PTPRK: variants seen among roughly 807,000 people sequenced by gnomAD.
PTPRK encodes the protein protein tyrosine phosphatase receptor type K.
PTPRK carries 75 observed loss-of-function variants against 178.0 expected under a neutral mutation model. The observed-to-expected ratio is 0.42, with a 90% confidence interval of 0.35 to 0.51. The LOEUF is 0.51. Ranked by LOEUF, PTPRK falls within the 20% of genes least tolerant of loss-of-function variation. PTPRK has a pLI of 0.02. For synonymous variants in PTPRK, 637 were observed against 620.6 expected (o/e 1.03, Z -0.39); for missense variants, 1,441 against 1,797.8 (o/e 0.80, Z 3.59).
At chr6:128,037,032 C>G (rs1488068520) in intron 13 of PTPRK, among the ~76,000 whole-genome samples, 4 of 152,054 alleles carry the variant, frequency 2.6e-5, no homozygotes, top group Non-Finnish European at 5.9e-5. Context: ...GCTCCCCGCC[C>G]TCCCTAACTC....
intron 2 of PTPRK, among the ~76,000 whole-genome samples, chr6:128,388,904 T>C (rs1314675215): frequency 6.6e-6 from 1 of 152,122 alleles, no homozygotes; most frequent in Non-Finnish European, 1.5e-5. Flanking sequence ...ATAGTCAAAA[T>C]TGCCACCCTA....
chr6:127,990,966 C>A, intron 20 of PTPRK, 81 bp from the exon 21 acceptor site: 2 of 804,934 alleles, frequency 2.5e-6, no homozygotes, highest in Non-Finnish European at 2.0e-6. Context: ...AGCAATAACT[C>A]CTTGTCACAA....
chr6:128,158,286 G>C (rs1007317608), intron 7 of PTPRK, among the ~76,000 whole-genome samples: 1 of 151,842 alleles, frequency 6.6e-6, no homozygotes, highest in Non-Finnish European at 1.5e-5. Context: ...GGGAGTGAAG[G>C]CATTAGGAGA....
intron 7 of PTPRK, among the ~76,000 whole-genome samples, chr6:128,132,087 TA>T (rs1363243126): frequency 1.3e-5 from 2 of 152,194 alleles, no homozygotes; most frequent in African/African-American, 4.8e-5. Flanking sequence ...AAATGCTCAG[TA>T]AAATGAAATA....
chr6:128,382,886 G>T (rs1237420987), intron 2 of PTPRK, among the ~76,000 whole-genome samples: 1 of 152,074 alleles, frequency 6.6e-6, no homozygotes, highest in East Asian at 1.9e-4. Context: ...ACTGCTACTG[G>T]TTCAGTAAAA....
At chr6:128,023,968 C>T (rs942892520) in intron 13 of PTPRK, among the ~76,000 whole-genome samples, 2 of 152,068 alleles carry the variant, frequency 1.3e-5, no homozygotes, top group East Asian at 1.9e-4. Context: ...CCACACCAGG[C>T]CAATCTCTTA....
chr6:128,070,968 C>T (rs577322616), intron 11 of PTPRK, among the ~76,000 whole-genome samples: 2 of 151,882 alleles, frequency 1.3e-5, no homozygotes, highest in South Asian at 4.2e-4. Context: ...CATGAAAGTA[C>T]ATTTTTCACC....
chr6:128,504,103 A>G (rs145686998), intron 1 of PTPRK, among the ~76,000 whole-genome samples: 1 of 152,274 alleles, frequency 6.6e-6, no homozygotes, highest in African/African-American at 2.4e-5. Context: ...GTCATTGCTC[A>G]CATAAAAGAC....
In PTPRK at chr6:127,969,036, A is replaced by T. The variant is rs1773641757; in HGVS notation, c.*1191T>A. On this transcript the variant is annotated 3_prime_UTR_variant, in exon 30 of 30. Coordinates refer to ENST00000368226, the MANE Select transcript of PTPRK (RefSeq NM_002844.4). ...ATTTGTTCACACTTTTTATAGTCAGAACGCAAAGCTTGTGCATGTAAACAT... is the reference window on the plus strand; with the variant it reads ...ATTTGTTCACACTTTTTATAGTCAGTACGCAAAGCTTGTGCATGTAAACAT... The T allele has an allele frequency of 6.6e-6, 1 of 152,226 alleles. No homozygotes were observed. The allele number at this position is 152,226 out of a possible 1,614,324, so 9.4% of individuals were successfully genotyped here.
At chr6:128,133,389 C>CTT (rs762053863) in intron 7 of PTPRK, among the ~76,000 whole-genome samples, 1 of 151,980 alleles carries the variant, frequency 6.6e-6, no homozygotes, top group African/African-American at 2.4e-5. Flanking sequence ...TATAAGGAAT[C>CTT]GGTATTTCTC....
intron 13 of PTPRK, among the ~76,000 whole-genome samples, chr6:128,044,762 CTCTT>C (rs1171258493): frequency 6.6e-6 from 1 of 151,864 alleles, no homozygotes; most frequent in Non-Finnish European, 1.5e-5. Context: ...CATTATACTG[CTCTT>C]TTTTTCTTCA....
chr6:128,337,420 A>G (rs1452471740), intron 2 of PTPRK, among the ~76,000 whole-genome samples: 1 of 152,154 alleles, frequency 6.6e-6, no homozygotes, highest in Non-Finnish European at 1.5e-5. Context: ...CTGAATATGT[A>G]AAGTGCTAAA....
chr6:128,026,881 C>T (rs551043430), intron 13 of PTPRK, among the ~76,000 whole-genome samples: 4 of 152,084 alleles, frequency 2.6e-5, no homozygotes, highest in Non-Finnish European at 5.9e-5. Context: ...TTACTAAATC[C>T]ATTTGCTGTG....
intron 1 of PTPRK, among the ~76,000 whole-genome samples, chr6:128,508,187 G>A (rs1001555008): frequency 6.6e-6 from 1 of 152,106 alleles, no homozygotes; most frequent in Non-Finnish European, 1.5e-5. Flanking sequence ...TGTGGGCAGC[G>A]ATGCAAATAT....
At chr6:128,180,050 ACTC>A (rs1801671669) in intron 7 of PTPRK, among the ~76,000 whole-genome samples, 1 of 152,056 alleles carries the variant, frequency 6.6e-6, no homozygotes, top group Admixed American at 6.6e-5. Flanking sequence ...TGTTCTGGAC[ACTC>A]TGAACTATTG....
chr6:128,458,727 G>A (rs1476404350), intron 1 of PTPRK, among the ~76,000 whole-genome samples: 3 of 151,938 alleles, frequency 2.0e-5, no homozygotes, highest in Non-Finnish European at 4.4e-5. Flanking sequence ...AATTTGTATT[G>A]GTCAATTAAA....
intron 6 of PTPRK, among the ~76,000 whole-genome samples, chr6:128,185,220 C>T (rs1271966014): frequency 2.0e-5 from 3 of 152,130 alleles, no homozygotes; most frequent in Non-Finnish European, 4.4e-5. Flanking sequence ...TTCTACAAAT[C>T]TGCCTCACAG....
At chr6:128,179,661 A>G (rs1465251615) in intron 7 of PTPRK, among the ~76,000 whole-genome samples, 1 of 152,008 alleles carries the variant, frequency 6.6e-6, no homozygotes, top group African/African-American at 2.4e-5. Flanking sequence ...CAACTCTTAG[A>G]AGAGTTGTTT....
At chr6:128,506,042 C>T (rs1051849353) in intron 1 of PTPRK, among the ~76,000 whole-genome samples, 6 of 152,112 alleles carry the variant, frequency 3.9e-5, no homozygotes, top group Admixed American at 6.5e-5. Context: ...TTCATAAACA[C>T]GTTCTAAAAG....
Sources: gnomAD v4.1 joint callset for allele counts (sites outside exome capture counted in the v4.1 genomes callset) on GRCh38, gnomAD v4.1.1 for gene constraint, MANE v1.5 for transcripts, NCBI Gene and HGNC (gene_info 2026-07-23, HGNC 2026-07-21) for gene names.